Variants in UGT1A9 observed in about 807,000 individuals in gnomAD.
The protein encoded by UGT1A9 is UDP-glucuronosyltransferase 1A9.
In UGT1A9, 35 loss-of-function variants were observed where a neutral mutation model predicts 45.0. The ratio of observed to expected loss-of-function variants is 0.78; its 90% confidence interval spans 0.59 to 1.03. The LOEUF is 1.03. Ranked by LOEUF, UGT1A9 falls within the 50% of genes least tolerant of loss-of-function variation. The pLI is 0.00. For synonymous variants in UGT1A9, 278 were observed against 250.6 expected (o/e 1.11, Z -1.03); for missense variants, 687 against 666.6 (o/e 1.03, Z -0.34).
At chr2:233,678,776 C>T (rs1420912210) in intron 1 of UGT1A9, among the ~76,000 whole-genome samples, 2 of 152,172 alleles carry the variant, frequency 1.3e-5, no homozygotes, top group East Asian at 3.9e-4. Context: ...CTATTGATTC[C>T]CTGAGTGTGG....
intron 1 of UGT1A9, among the ~76,000 whole-genome samples, chr2:233,706,678 C>T (rs2075919133): frequency 6.6e-6 from 1 of 152,170 alleles, no homozygotes; most frequent in Non-Finnish European, 1.5e-5. Flanking sequence ...CTACTCCCCA[C>T]CCCACTCCTT....
intron 1 of UGT1A9, among the ~76,000 whole-genome samples, chr2:233,709,853 C>T (rs1247247168): frequency 6.6e-6 from 1 of 152,196 alleles, no homozygotes; most frequent in Non-Finnish European, 1.5e-5. Flanking sequence ...ACATTCAAGA[C>T]ACGGAGCACT....
chr2:233,697,193 G>A (rs1354175694), intron 1 of UGT1A9, among the ~76,000 whole-genome samples: 1 of 152,116 alleles, frequency 6.6e-6, no homozygotes, highest in African/African-American at 2.4e-5. Context: ...ATTCAGCAGT[G>A]AATCCATCTG....
At chr2:233,682,554 G>A (rs1475754418) in intron 1 of UGT1A9, 2 of 1,613,958 alleles carry the variant, frequency 1.2e-6, no homozygotes, top group African/African-American at 2.7e-5. Context: ...TTCAAGGAGA[G>A]AGTATGGAAC....
intron 1 of UGT1A9, among the ~76,000 whole-genome samples, chr2:233,724,206 A>T (rs2077188856): frequency 1.7e-5 from 2 of 117,190 alleles, no homozygotes; most frequent in African/African-American, 3.7e-5. Flanking sequence ...GGCCGGGCTG[A>T]GGGGCTCCTC....
Position 233,725,032 on chromosome 2 carries a change from C to T in UGT1A9, c.856-42002C>T, listed in dbSNP as rs1050826468. ...GCCAAACAGCAAAACCCGGTCTCCA[C>T]CAAAACCAGTCAGGCGTGGCGGCGC... On this transcript the variant is annotated intron_variant, in intron 1 of 4. Transcript: ENST00000354728. Among the ~76,000 whole-genome samples the T allele has an allele frequency of 4.4e-4, 66 of 148,404 alleles. 5 individuals are homozygous for T. Among genetic ancestry groups the T allele is most frequent in the Non-Finnish European group, 7.9e-4 (53 of 67,350 alleles).
intron 1 of UGT1A9, among the ~76,000 whole-genome samples, chr2:233,731,009 C>T (rs868145572): frequency 3.3e-5 from 5 of 152,260 alleles, no homozygotes; most frequent in Middle Eastern, 3.4e-3. Flanking sequence ...CCATGTACAT[C>T]GTGAGAGAAT....
Position 233,772,513 on chromosome 2 carries a change from G to C in UGT1A9, c.1547G>C (p.Gly516Ala), listed in dbSNP as rs867885761. ...CCAYGYRKCL[G>A]KKGRVKKAHK... ...GCTTATGGCTACCGGAAATGCTTGG[G>C]GAAAAAAGGGCGAGTTAAGAAAGCC... The change falls in exon 5 of 5, where the codon GGG (glycine) becomes GCG (alanine). Residue 516 changes from glycine to alanine, a missense_variant. Gly to Ala is a moderately conservative substitution (Grantham distance 60). Transcript: ENST00000354728. 26 of 1,614,000 alleles carry C rather than the reference G, an allele frequency of 1.6e-5. 1 individual carries two copies. In the East Asian group the frequency reaches 5.6e-4, roughly 35 times the overall value.
chr2:233,673,536 A>C (rs1559335189), intron 1 of UGT1A9, among the ~76,000 whole-genome samples: 1 of 152,134 alleles, frequency 6.6e-6, no homozygotes, highest in African/African-American at 2.4e-5. Flanking sequence ...ATTTCCATGA[A>C]TTGAGAAGGA....
In UGT1A9 at chr2:233,757,558, ATATG is replaced by A. The variant is rs1023713263; in HGVS notation, c.856-9472_856-9469del. Among the ~76,000 whole-genome samples, 45 of 124,442 alleles carry A rather than the reference ATATG, an allele frequency of 3.6e-4. 2 individuals are homozygous for A. The highest frequency in any genetic ancestry group is 1.4e-3 in the African/African-American group (42 of 30,270). 81.6% of individuals were successfully genotyped at this position (124,442 alleles called of 152,430 possible). On this transcript the variant is annotated intron_variant, in intron 1 of 4. Coordinates refer to ENST00000354728, the MANE Select transcript of UGT1A9 (RefSeq NM_021027.3). ...GGAATATATATATATATATATATAT[ATATG>A]TATATATGATATAGCTATAGTCTAA...
chr2:233,760,348 G>A (rs759212811), intron 1 of UGT1A9: 2 of 1,613,950 alleles, frequency 1.2e-6, no homozygotes, highest in Admixed American at 1.7e-5. Flanking sequence ...GTGTGTGCTG[G>A]GCCCAGTGGT....
rs191127700 is a variant in UGT1A9, at chr2:233,728,874, G to T, written c.856-38160G>T. 1.3e-4 allele frequency among the ~76,000 whole-genome samples: 20 copies of T among 152,302 alleles called. No homozygotes were observed. In the East Asian group the frequency reaches 3.7e-3, roughly 28 times the overall value. Reference sequence around the variant, plus strand: ...GATGAGAAACAAGAGCTTGAACTTGGATGTTCCCCAGAGTGAGCACAGGGT... The same window carrying T: ...GATGAGAAACAAGAGCTTGAACTTGTATGTTCCCCAGAGTGAGCACAGGGT... On this transcript the variant is annotated intron_variant, in intron 1 of 4. Transcript: ENST00000354728.
chr2:233,680,735 A>G (rs1209130572), intron 1 of UGT1A9, among the ~76,000 whole-genome samples: 1 of 152,162 alleles, frequency 6.6e-6, no homozygotes, highest in Non-Finnish European at 1.5e-5. Flanking sequence ...GCTCGGTAGA[A>G]TGGAGGAAAC....
rs939644938 is a variant in UGT1A9 at position 233,772,877 on chromosome 2, G to A, written c.*318G>A. On this transcript the variant is annotated 3_prime_UTR_variant, in exon 5 of 5. Coordinates refer to ENST00000354728, the MANE Select transcript of UGT1A9 (RefSeq NM_021027.3). Reference sequence around the variant, plus strand: ...TGAAACATGGCCTGTTTGGGAGTGCGGGATTCAAAGGTGGTCCCACGGCTG... The same window carrying A: ...TGAAACATGGCCTGTTTGGGAGTGCAGGATTCAAAGGTGGTCCCACGGCTG... 4.0e-5 allele frequency: 23 copies of A among 579,274 alleles called. No individual in the cohort carries two copies. The highest frequency in any genetic ancestry group is 3.1e-4 in the East Asian group (6 of 19,490). The allele number at this position is 579,274 out of a possible 1,614,324, so 35.9% of individuals were successfully genotyped here. A position where few individuals can be genotyped will look rare whatever the true frequency, so the allele number is the denominator to read the frequency against.
chr2:233,760,371 G>A, intron 1 of UGT1A9: 1 of 1,614,158 alleles, frequency 6.2e-7, no homozygotes, highest in Non-Finnish European at 8.5e-7. Flanking sequence ...CCCATGCTGG[G>A]AAGATACTGT....
At position 233,737,754 on chromosome 2, in the gene UGT1A9, T is replaced by G. The variant is rs1342701991; in HGVS notation, c.856-29280T>G. Reference sequence around the variant, plus strand: ...TTCCTTTTCTCTTCCAGTTTTTCAATGTGAACATATTCTCTAGAGTTAACT... The same window carrying G: ...TTCCTTTTCTCTTCCAGTTTTTCAAGGTGAACATATTCTCTAGAGTTAACT... On this transcript the variant is annotated intron_variant, in intron 1 of 4. Transcript: ENST00000354728. Among the ~76,000 whole-genome samples the G allele has an allele frequency of 3.3e-5, 5 of 152,300 alleles. No homozygotes were observed. The East Asian group carries it at 9.6e-4, about 29-fold the overall frequency.
At chr2:233,704,381 T>C (rs1381509965) in intron 1 of UGT1A9, among the ~76,000 whole-genome samples, 1 of 152,038 alleles carries the variant, frequency 6.6e-6, no homozygotes, top group African/African-American at 2.4e-5. Flanking sequence ...AGCACATCGA[T>C]TTTAACTTAC....
rs549717724 is a variant in UGT1A9 at position 233,729,172 on chromosome 2, C to T, written c.856-37862C>T. 1.0e-4 allele frequency: 161 copies of T among 1,613,762 alleles called. No homozygotes were observed. In the East Asian group the frequency reaches 3.5e-3, roughly 35 times the overall value. ...TCCCCTGCCGTGGCTGGCCACAGGA[C>T]TGCTGCTTCTCCTCAGTGTCCAGCC... On this transcript the variant is annotated intron_variant, in intron 1 of 4. Coordinates refer to ENST00000354728, the MANE Select transcript of UGT1A9 (RefSeq NM_021027.3).
intron 1 of UGT1A9, among the ~76,000 whole-genome samples, chr2:233,687,916 TAAATC>T (rs1183373351): frequency 6.6e-6 from 1 of 152,136 alleles, no homozygotes; most frequent in African/African-American, 2.4e-5. Flanking sequence ...TCAAAATAAA[TAAATC>T]AATAAATACA....
Sources: allele counts gnomAD v4.1 joint callset (sites outside exome capture counted in the v4.1 genomes callset), GRCh38; gene constraint gnomAD v4.1.1; transcripts MANE v1.5; gene names NCBI Gene and HGNC (gene_info 2026-07-23, HGNC 2026-07-21).